Variants in SLC67A2 observed in about 807,000 individuals in gnomAD.
SLC67A2 encodes solute carrier family 67 member 2.
chr2:102,715,506 C>T, the SLC67A2 span, among the ~76,000 whole-genome samples: 1 of 152,100 alleles, frequency 6.6e-6, no homozygotes, highest in Non-Finnish European at 1.5e-5. Context: ...GCAGGTGACT[C>T]CTGTGACTAG....
the SLC67A2 span, chr2:102,731,198 C>A: frequency 1.7e-6 from 1 of 605,306 alleles, no homozygotes; most frequent in Non-Finnish European, 2.7e-6. Context: ...TAAATTATCT[C>A]ACATCTTTTT....
At chr2:102,731,059 T>C in the SLC67A2 span, 1 of 1,613,854 alleles carries the variant, frequency 6.2e-7, no homozygotes, top group East Asian at 2.2e-5. Context: ...CAAAATGCCA[T>C]AGGAGGAGCC....
the SLC67A2 span, chr2:102,718,366 C>CATT: frequency 6.3e-7 from 1 of 1,594,000 alleles, no homozygotes; most frequent in South Asian, 1.1e-5. Flanking sequence ...ATCATGGCCT[C>CATT]CGGCCCTCAT....
chr2:102,718,596 A>T, the SLC67A2 span: 2 of 1,612,956 alleles, frequency 1.2e-6, no homozygotes, highest in Non-Finnish European at 1.7e-6. Context: ...GCAGTCACAG[A>T]CTGCCCCACG....
At chr2:102,720,353 A>G in the SLC67A2 span, among the ~76,000 whole-genome samples, 1 of 152,202 alleles carries the variant, frequency 6.6e-6, no homozygotes, top group African/African-American at 2.4e-5. Context: ...CAGAATATTG[A>G]TAAAGATGTG....
chr2:102,718,742 T>C, the SLC67A2 span: 3 of 1,613,376 alleles, frequency 1.9e-6, no homozygotes, highest in South Asian at 1.1e-5. Flanking sequence ...GGCCAAGGAG[T>C]AGAGCAGCAG....
the SLC67A2 span, among the ~76,000 whole-genome samples, chr2:102,734,428 T>C: frequency 1.3e-5 from 2 of 152,176 alleles, no homozygotes; most frequent in East Asian, 3.9e-4. Context: ...GAAGTACGGA[T>C]AACTGCTAAA....
At chr2:102,725,275 C>T in the SLC67A2 span, among the ~76,000 whole-genome samples, 1 of 152,178 alleles carries the variant, frequency 6.6e-6, no homozygotes, top group Non-Finnish European at 1.5e-5. Context: ...TGTTCACAGA[C>T]CACTCAACAC....
chr2:102,725,457 C>A, the SLC67A2 span, among the ~76,000 whole-genome samples: 1 of 152,216 alleles, frequency 6.6e-6, no homozygotes, highest in Non-Finnish European at 1.5e-5. Flanking sequence ...AACAACTCTA[C>A]GTTCTTATTC....
the SLC67A2 span, chr2:102,716,903 G>A: frequency 6.6e-6 from 1 of 152,236 alleles, no homozygotes; most frequent in African/African-American, 2.4e-5. Flanking sequence ...CCTTCTGTCT[G>A]GGCCTCTGCC....
At chr2:102,735,873 G>GTGC in the SLC67A2 span, among the ~76,000 whole-genome samples, 3 of 145,088 alleles carry the variant, frequency 2.1e-5, no homozygotes, top group Non-Finnish European at 4.5e-5. Flanking sequence ...CACACACGAT[G>GTGC]AAACCAAACC....
the SLC67A2 span, chr2:102,718,599 G>T: frequency 1.2e-6 from 2 of 1,613,552 alleles, no homozygotes; most frequent in Non-Finnish European, 8.5e-7. Context: ...GTCACAGACT[G>T]CCCCACGCCA....
chr2:102,725,360 T>C, the SLC67A2 span, among the ~76,000 whole-genome samples: 6 of 152,228 alleles, frequency 3.9e-5, no homozygotes, highest in African/African-American at 1.4e-4. Context: ...ACGGTTCATA[T>C]AAGAGAACTC....
chr2:102,735,349 ATTAACTCAACATAGAG>A, the SLC67A2 span, among the ~76,000 whole-genome samples: 1 of 152,210 alleles, frequency 6.6e-6, no homozygotes, highest in Non-Finnish European at 1.5e-5. Flanking sequence ...GATCTTAACT[ATTAACTCAACATAGAG>A]TTGCTACCAA....
At chr2:102,731,475 T>C in the SLC67A2 span, among the ~76,000 whole-genome samples, 1 of 152,194 alleles carries the variant, frequency 6.6e-6, no homozygotes, top group Non-Finnish European at 1.5e-5. Context: ...CATTGTCTCT[T>C]ATATTTCTAA....
chr2:102,723,513 G>A, the SLC67A2 span, among the ~76,000 whole-genome samples: 1 of 149,280 alleles, frequency 6.7e-6, no homozygotes, highest in East Asian at 2.0e-4. Context: ...GGCACACTGT[G>A]GGTGGGAATG....
the SLC67A2 span, among the ~76,000 whole-genome samples, chr2:102,714,780 C>T: frequency 2.0e-5 from 3 of 152,120 alleles, no homozygotes; most frequent in Non-Finnish European, 4.4e-5. Context: ...TCTGTGGTAA[C>T]CCTGTTTTAG....
chr2:102,728,584 A>G, the SLC67A2 span, among the ~76,000 whole-genome samples: 4 of 152,008 alleles, frequency 2.6e-5, no homozygotes, highest in Non-Finnish European at 4.4e-5. Context: ...CTACTCCCCA[A>G]TTTTCATTTC....
the SLC67A2 span, among the ~76,000 whole-genome samples, chr2:102,720,525 C>T: frequency 6.6e-5 from 10 of 152,128 alleles, no homozygotes; most frequent in South Asian, 2.1e-4. Flanking sequence ...AAGTGTGAAA[C>T]GCTAAGAAAA....
Sources: gnomAD v4.1 joint callset for allele counts (sites outside exome capture counted in the v4.1 genomes callset) on GRCh38, gnomAD v4.1.1 for gene constraint, MANE v1.5 for transcripts, NCBI Gene and HGNC (gene_info 2026-07-23, HGNC 2026-07-21) for gene names.